Variants in KCNN2 observed in about 807,000 individuals in gnomAD.
KCNN2 encodes the protein potassium calcium-activated channel subfamily N member 2.
In KCNN2, 24 loss-of-function variants were observed where a neutral mutation model predicts 55.5. The ratio of observed to expected loss-of-function variants is 0.43; its 90% CI spans 0.31 to 0.61. The LOEUF is 0.61. Among genes scored for constraint, KCNN2 ranks in the 20% least tolerant of loss-of-function variants. The probability of loss-of-function intolerance (pLI) is 0.08; values close to 1 mark genes in which losing one functional copy is unlikely to be tolerated. For synonymous variants in KCNN2, 431 were observed against 336.1 expected, an observed-to-expected ratio of 1.28 and a Z score of -3.09; for missense variants, 754 against 853.6, an observed-to-expected ratio of 0.88 and a Z score of 1.45.
intron 1 of KCNN2, among the ~76,000 whole-genome samples, chr5:114,082,195 T>C (rs1469902410): frequency 6.6e-6 from 1 of 151,896 alleles, no homozygotes; most frequent in East Asian, 1.9e-4. Flanking sequence ...CATGGTGGCA[T>C]GTACCTGTAG....
chr5:114,391,158 C>G (rs1010494966), intron 2 of KCNN2, among the ~76,000 whole-genome samples: 2 of 152,034 alleles, frequency 1.3e-5, no homozygotes, highest in Middle Eastern at 3.2e-3. Context: ...GAGCTTTTCC[C>G]AATACTGACA....
chr5:114,229,583 T>C (rs535854880), intron 2 of KCNN2, among the ~76,000 whole-genome samples: 1 of 148,208 alleles, frequency 6.7e-6, no homozygotes, highest in South Asian at 2.2e-4. Context: ...ATGTATTTGC[T>C]TTGTTTAAAA....
intron 2 of KCNN2, among the ~76,000 whole-genome samples, chr5:114,294,066 A>G (rs1259102675): frequency 2.0e-5 from 3 of 151,900 alleles, no homozygotes; most frequent in South Asian, 2.1e-4. Context: ...CATTGCGTCT[A>G]TTTGATTCTT....
chr5:114,261,109 G>T (rs911253867), intron 2 of KCNN2, among the ~76,000 whole-genome samples: 1 of 152,142 alleles, frequency 6.6e-6, no homozygotes, highest in African/African-American at 2.4e-5. Context: ...ACACTCTCAG[G>T]TGTTTTGTTA....
intron 1 of KCNN2, among the ~76,000 whole-genome samples, chr5:114,155,087 G>A (rs1234589949): frequency 6.6e-6 from 1 of 152,002 alleles, no homozygotes; most frequent in African/African-American, 2.4e-5. Context: ...CCATCTAGGT[G>A]TCCGTGTGTT....
chr5:114,170,550 A>C (rs1399441773), intron 1 of KCNN2, among the ~76,000 whole-genome samples: 1 of 151,994 alleles, frequency 6.6e-6, no homozygotes, highest in East Asian at 1.9e-4. Context: ...TCACACCTCC[A>C]CATGAAGTTG....
At chr5:114,362,069 C>G (rs974129966), upstream of KCNN2, 6 of 153,348 alleles carry the variant, frequency 3.9e-5, no homozygotes, top group East Asian at 3.9e-4. Context: ...CAGGAGTCCC[C>G]GCTCCCGACC....
At chr5:114,377,252 TC>T (rs1308729648) in intron 2 of KCNN2, among the ~76,000 whole-genome samples, 1 of 152,090 alleles carries the variant, frequency 6.6e-6, no homozygotes, top group Admixed American at 6.6e-5. Flanking sequence ...TTAGGAATAT[TC>T]CTGGGAACAT....
intron 1 of KCNN2, among the ~76,000 whole-genome samples, chr5:114,159,874 T>A (rs1752727564): frequency 6.6e-6 from 1 of 152,172 alleles, no homozygotes; most frequent in South Asian, 2.1e-4. Flanking sequence ...TTTTATTGCG[T>A]CTATTTGATT....
chr5:114,135,021 T>G (rs1349430375), intron 1 of KCNN2, among the ~76,000 whole-genome samples: 1 of 152,044 alleles, frequency 6.6e-6, no homozygotes, highest in Non-Finnish European at 1.5e-5. Flanking sequence ...AATAAAGAAA[T>G]GTAGAAAGAT....
chr5:114,217,799 A>T (rs1754036973), intron 1 of KCNN2, among the ~76,000 whole-genome samples: 1 of 152,278 alleles, frequency 6.6e-6, no homozygotes, highest in East Asian at 1.9e-4. Flanking sequence ...TGACACTGTC[A>T]AAAGAAGAAA....
At chr5:114,074,087 T>C (rs1025327856) in intron 1 of KCNN2, among the ~76,000 whole-genome samples, 1 of 152,200 alleles carries the variant, frequency 6.6e-6, no homozygotes. Context: ...TCTCTTCTTA[T>C]TATGAAAACA....
intron 2 of KCNN2, among the ~76,000 whole-genome samples, chr5:114,235,004 C>A (rs1754462951): frequency 6.6e-6 from 1 of 152,134 alleles, no homozygotes; most frequent in South Asian, 2.1e-4. Flanking sequence ...ACTGCTTTAA[C>A]AGTTTCACAG....
intron 2 of KCNN2, among the ~76,000 whole-genome samples, chr5:114,260,567 T>A (rs1335262595): frequency 6.6e-6 from 1 of 152,182 alleles, no homozygotes; most frequent in African/African-American, 2.4e-5. Context: ...CTCGAATATC[T>A]TGTCCCTGCT....
intron 2 of KCNN2, among the ~76,000 whole-genome samples, chr5:114,345,955 A>G (rs1422161208): frequency 1.3e-5 from 2 of 151,694 alleles, no homozygotes; most frequent in Admixed American, 1.3e-4. Flanking sequence ...TAATTTTTGT[A>G]TTTTTTTAGT....
intron 1 of KCNN2, among the ~76,000 whole-genome samples, chr5:114,139,783 A>G (rs1297545161): frequency 6.6e-6 from 1 of 151,854 alleles, no homozygotes; most frequent in Non-Finnish European, 1.5e-5. Flanking sequence ...TTAAAAATAT[A>G]TCATAGACTT....
At chr5:114,478,412 C>T (rs1325796434) in intron 5 of KCNN2, among the ~76,000 whole-genome samples, 2 of 151,642 alleles carry the variant, frequency 1.3e-5, no homozygotes, top group Non-Finnish European at 2.9e-5. Flanking sequence ...AGAGATCAAA[C>T]ATACAACTGA....
chr5:114,437,148 G>C (rs1004481068), intron 3 of KCNN2, among the ~76,000 whole-genome samples: 1 of 152,210 alleles, frequency 6.6e-6, no homozygotes, highest in African/African-American at 2.4e-5. Flanking sequence ...ATCAAGAAGA[G>C]AAATTGGCAC....
intron 1 of KCNN2, among the ~76,000 whole-genome samples, chr5:114,202,866 G>C (rs569171401): frequency 6.6e-6 from 1 of 152,216 alleles, no homozygotes; most frequent in Admixed American, 6.5e-5. Context: ...GATTACAGGC[G>C]TGAGCCACCG....
Sources: allele counts gnomAD v4.1 joint callset (sites outside exome capture counted in the v4.1 genomes callset), GRCh38; gene constraint gnomAD v4.1.1; transcripts MANE v1.5; gene names NCBI Gene and HGNC (gene_info 2026-07-23, HGNC 2026-07-21).